SUSD3: variants seen among roughly 807,000 people sequenced by gnomAD.
The protein encoded by SUSD3 is sushi domain-containing protein 3.
Under a neutral mutation model 20.6 loss-of-function variants are expected in SUSD3, and 18 were observed. That is an observed-to-expected ratio of 0.87 (90% CI 0.60 to 1.30). The LOEUF (loss-of-function observed/expected upper bound fraction) is 1.30, where lower values mean the gene tolerates loss of function less well. SUSD3 is among the 50% of genes most tolerant of loss of function. SUSD3 has a pLI of 0.00. For missense variants in SUSD3, 306 were observed against 346.9 expected, an observed-to-expected ratio of 0.88 and a Z score of 0.94; for synonymous variants, 137 against 141.5, an observed-to-expected ratio of 0.97 and a Z score of 0.23.
chr9:93,084,512 C>T, intron 4 of SUSD3, 25 bp from the exon 5 acceptor site: 1 of 1,549,600 alleles, frequency 6.5e-7, no homozygotes, highest in Non-Finnish European at 8.7e-7. Flanking sequence ...ACTCTTTTGC[C>T]AACTCATGCC....
intron 1 of SUSD3, among the ~76,000 whole-genome samples, chr9:93,061,358 G>A (rs757720231): frequency 6.6e-6 from 1 of 152,262 alleles, no homozygotes; most frequent in Non-Finnish European, 1.5e-5. Context: ...GACACACCCT[G>A]TGATGCCTGG....
rs1306631395 is a variant in SUSD3, at chr9:93,079,479, A to G, written c.434A>G (p.Gln145Arg). The change falls in exon 4 of 5, where the codon CAG becomes CGG. Residue 145 changes from glutamine (Q) to arginine (R), a missense_variant. Transcript: ENST00000375472. ...SKRRRSNRSA[Q>R]LWSQLKDEDL... ...CCCAAACTCTCCTCCAGGTCAGCCCAGCTGTGGTCCCAGCTGAAAGATGAG... is the reference window on the plus strand; with the variant it reads ...CCCAAACTCTCCTCCAGGTCAGCCCGGCTGTGGTCCCAGCTGAAAGATGAG... The G allele has an allele frequency of 6.2e-7, 1 of 1,613,908 alleles. No homozygotes were observed. Among genetic ancestry groups the G allele is most frequent in the Non-Finnish European group, 8.5e-7 (1 of 1,179,954 alleles).
At chr9:93,075,411 C>CTTTTTTTTTTTTTTTTTT (rs58393196) in intron 1 of SUSD3, among the ~76,000 whole-genome samples, 17 of 101,268 alleles carry the variant, frequency 1.7e-4, no homozygotes, top group Non-Finnish European at 2.5e-4. Flanking sequence ...CTCTGTCCCT[C>CTTTTTTTTTTTTTTTTTT]TTTTTTTTTT....
intron 1 of SUSD3, among the ~76,000 whole-genome samples, chr9:93,068,756 A>G (rs1383718928): frequency 6.6e-6 from 1 of 152,204 alleles, no homozygotes; most frequent in Non-Finnish European, 1.5e-5. Flanking sequence ...CAGTTTGGAG[A>G]ATACAGTAGA....
At chr9:93,059,449 A>T (rs919392378) in intron 1 of SUSD3, among the ~76,000 whole-genome samples, 2 of 152,152 alleles carry the variant, frequency 1.3e-5, no homozygotes, top group African/African-American at 4.8e-5. Flanking sequence ...AAGTGTTTGA[A>T]TTCAAGAATG....
intron 1 of SUSD3, among the ~76,000 whole-genome samples, chr9:93,061,902 C>G (rs1173383796): frequency 1.3e-5 from 2 of 152,222 alleles, no homozygotes; most frequent in Non-Finnish European, 2.9e-5. Flanking sequence ...CTCTCTCCCA[C>G]AGCCTCAGCC....
chr9:93,083,940 C>T (rs1301852436), intron 4 of SUSD3, among the ~76,000 whole-genome samples: 1 of 151,552 alleles, frequency 6.6e-6, no homozygotes, highest in Non-Finnish European at 1.5e-5. Context: ...AGGTGGGAGC[C>T]GCCAGGCAGC....
At position 93,083,128 on chromosome 9, in the gene SUSD3, G is replaced by A. The variant is rs375657295; in HGVS notation, c.558-1409G>A. ...GACAGGGCCGTGAGAGGCTGGAGGA[G>A]GCCGGCTTAGGGGCCACTCTGACAG... On this transcript the variant is annotated intron_variant, in intron 4 of 4. Transcript: ENST00000375472. 1.2e-4 allele frequency among the ~76,000 whole-genome samples: 19 copies of A among 152,342 alleles called. No homozygotes were observed. In the East Asian group the frequency reaches 1.9e-3, roughly 15 times the overall value.
intron 1 of SUSD3, among the ~76,000 whole-genome samples, chr9:93,060,479 G>A (rs1242020576): frequency 6.6e-6 from 1 of 152,144 alleles, no homozygotes; most frequent in Non-Finnish European, 1.5e-5. Context: ...CTTGCTCTGT[G>A]AAATGTGCTG....
chr9:93,060,308 C>T (rs1047683885), intron 1 of SUSD3, among the ~76,000 whole-genome samples: 11 of 152,072 alleles, frequency 7.2e-5, no homozygotes, highest in African/African-American at 2.4e-4. Context: ...GTCGCTGTAC[C>T]TCTGTGCCTC....
intron 1 of SUSD3, among the ~76,000 whole-genome samples, chr9:93,065,584 C>A (rs369549028): frequency 6.6e-6 from 1 of 152,226 alleles, no homozygotes; most frequent in East Asian, 1.9e-4. Flanking sequence ...GGCTGCCTGG[C>A]GGCCCTGGGG....
intron 1 of SUSD3, 29 bp from the exon 2 acceptor site, chr9:93,075,755 C>A: frequency 6.3e-6 from 3 of 474,312 alleles, no homozygotes; most frequent in Non-Finnish European, 7.0e-6. Context: ...CCCCCCCCCG[C>A]CATGCCTCAT....
intron 1 of SUSD3, among the ~76,000 whole-genome samples, chr9:93,065,449 A>T (rs1419090592): frequency 6.6e-6 from 1 of 152,184 alleles, no homozygotes; most frequent in Non-Finnish European, 1.5e-5. Flanking sequence ...CTCTCCTCCC[A>T]TCCGCCAACG....
At chr9:93,060,064 T>C (rs1043667763) in intron 1 of SUSD3, among the ~76,000 whole-genome samples, 2 of 152,218 alleles carry the variant, frequency 1.3e-5, no homozygotes, top group Non-Finnish European at 2.9e-5. Flanking sequence ...TGGATAGCCT[T>C]GACTTGCCCA....
chr9:93,079,106 C>T (rs1392515210), intron 3 of SUSD3, among the ~76,000 whole-genome samples: 2 of 152,156 alleles, frequency 1.3e-5, no homozygotes, highest in Non-Finnish European at 2.9e-5. Context: ...CTGGCCAAAA[C>T]TTAACCTTTT....
chr9:93,083,325 G>A (rs1203026372), intron 4 of SUSD3, among the ~76,000 whole-genome samples: 1 of 152,214 alleles, frequency 6.6e-6, no homozygotes, highest in Non-Finnish European at 1.5e-5. Context: ...AGCCGATGGA[G>A]GCAGAGTTCC....
rs1224738271 is a variant in SUSD3 at position 93,084,749 on chromosome 9, C to T, written c.*2C>T. On this transcript the variant is annotated 3_prime_UTR_variant, in exon 5 of 5. Coordinates refer to ENST00000375472, the MANE Select transcript of SUSD3 (RefSeq NM_145006.4). ...CCCGCAGCATATGCCCTAGGGTGAC[C>T]ACGCAGTGAGGCTGGTGCCCATGCT... The T allele has an allele frequency of 2.0e-6, 3 of 1,496,202 alleles. No homozygotes were observed. Among genetic ancestry groups the T allele is most frequent in the Non-Finnish European group, 2.7e-6 (3 of 1,121,252 alleles). 92.7% of individuals were successfully genotyped at this position (1,496,202 alleles called of 1,614,324 possible). A position where few individuals can be genotyped will look rare whatever the true frequency, so the allele number is the denominator to read the frequency against.
chr9:93,079,404 C>A (rs974723836), intron 3 of SUSD3, 67 bp from the exon 4 acceptor site: 30 of 1,568,538 alleles, frequency 1.9e-5, no homozygotes, highest in Middle Eastern at 3.4e-4. Flanking sequence ...CTACATGGAG[C>A]CTGTTTCCAC....
chr9:93,071,818 A>T (rs1347418421), intron 1 of SUSD3, among the ~76,000 whole-genome samples: 4 of 152,078 alleles, frequency 2.6e-5, no homozygotes, highest in Admixed American at 6.6e-5. Context: ...CAACTCTGGG[A>T]TGGGGAGAAG....
Sources: gnomAD v4.1 joint callset for allele counts (sites outside exome capture counted in the v4.1 genomes callset) on GRCh38, gnomAD v4.1.1 for gene constraint, MANE v1.5 for transcripts, NCBI Gene and HGNC (gene_info 2026-07-23, HGNC 2026-07-21) for gene names.